The following CLEC16A variants were observed in gnomAD, a reference collection of about 807,000 sequenced individuals.
CLEC16A encodes protein CLEC16A.
A neutral mutation model predicts 109.5 loss-of-function variants in CLEC16A; 51 were observed. That is an observed-to-expected ratio of 0.47 (90% CI 0.37 to 0.59). CLEC16A has a LOEUF of 0.59. CLEC16A is among the 20% of genes least tolerant of loss of function. The pLI, the probability that CLEC16A is intolerant of heterozygous loss-of-function variation, is 0.00. For synonymous variants in CLEC16A, 673 were observed against 564.2 expected, an observed-to-expected ratio of 1.19 and a Z score of -2.73; for missense variants, 1,339 against 1,394.0, an observed-to-expected ratio of 0.96 and a Z score of 0.63.
At chr16:11,040,584 C>T (rs2047279448) in intron 14 of CLEC16A, 1 of 136,232 alleles carries the variant, frequency 7.3e-6, no homozygotes, top group African/African-American at 2.9e-5. Context: ...GTGATCTCTG[C>T]TCACGGCAAC....
At chr16:11,130,768 A>G (rs764093835) in intron 22 of CLEC16A, among the ~76,000 whole-genome samples, 6 of 152,182 alleles carry the variant, frequency 3.9e-5, no homozygotes, top group Non-Finnish European at 7.3e-5. Context: ...ATAATAATTC[A>G]CAAGGAAGAA....
chr16:11,026,760 A>G (rs1423057134), intron 13 of CLEC16A, among the ~76,000 whole-genome samples: 2 of 151,968 alleles, frequency 1.3e-5, no homozygotes, highest in African/African-American at 4.8e-5. Flanking sequence ...TCCACAGCCA[A>G]GCTGCTTGTG....
intron 22 of CLEC16A, among the ~76,000 whole-genome samples, chr16:11,155,268 A>G (rs2054464612): frequency 6.6e-6 from 1 of 152,220 alleles, no homozygotes; most frequent in African/African-American, 2.4e-5. Context: ...GAACCCTGTA[A>G]GGTGTGGTGG....
intron 19 of CLEC16A, among the ~76,000 whole-genome samples, chr16:11,117,151 C>T (rs1205580089): frequency 2.6e-5 from 4 of 152,154 alleles, no homozygotes; most frequent in Non-Finnish European, 5.9e-5. Context: ...ATAAAGATGG[C>T]AGCGATAGAC....
rs547085945 is a variant in CLEC16A at position 11,032,327 on chromosome 16, G to A, written c.1537+7406G>A. On this transcript the variant is annotated intron_variant, in intron 13 of 23. Transcript: ENST00000409790. ...GAACTGTGTTCCTATGAGCCGTGTG[G>A]GGCTGCTGGGGGGCAGTTGGTCAGT... is the stretch of plus-strand genomic sequence containing the variant. Among the ~76,000 whole-genome samples the A allele has an allele frequency of 4.4e-4, 67 of 152,290 alleles. No individual in the cohort carries two copies. The Middle Eastern group carries it at 0.01, about 23-fold the overall frequency.
At chr16:11,100,291 T>G (rs938951427) in intron 19 of CLEC16A, among the ~76,000 whole-genome samples, 1 of 152,190 alleles carries the variant, frequency 6.6e-6, no homozygotes, top group Non-Finnish European at 1.5e-5. Flanking sequence ...CAAAATCTCC[T>G]GTCTCTCTTT....
chr16:10,990,103 C>G (rs892513656), intron 10 of CLEC16A, among the ~76,000 whole-genome samples: 2 of 152,204 alleles, frequency 1.3e-5, no homozygotes, highest in African/African-American at 2.4e-5. Context: ...TTGTGAATAT[C>G]AAAGGGTAAA....
intron 19 of CLEC16A, among the ~76,000 whole-genome samples, chr16:11,098,692 C>A (rs556311880): frequency 6.6e-6 from 1 of 152,192 alleles, no homozygotes; most frequent in African/African-American, 2.4e-5. Context: ...GGCCTCCCTT[C>A]GAGGAACCCT....
chr16:11,115,265 G>A (rs910894080), intron 19 of CLEC16A, among the ~76,000 whole-genome samples: 2 of 150,314 alleles, frequency 1.3e-5, no homozygotes, highest in African/African-American at 4.9e-5. Context: ...GGAGAGGAGG[G>A]GGAAGGAGGA....
intron 18 of CLEC16A, among the ~76,000 whole-genome samples, chr16:11,055,575 CTTTTTTTTTTT>C (rs71136609): frequency 1.8e-3 from 77 of 41,752 alleles, no homozygotes; most frequent in African/African-American, 5.9e-3. Context: ...TTCCCTCTTG[CTTTTTTTTTTT>C]TTTTTTTTTT....
intron 22 of CLEC16A, among the ~76,000 whole-genome samples, chr16:11,137,587 TAAA>T (rs5815617): frequency 5.1e-5 from 3 of 59,312 alleles, no homozygotes; most frequent in African/African-American, 1.3e-4. Context: ...AGACTCCATC[TAAA>T]AAAAAAAAAA....
At chr16:11,138,105 T>A (rs1242938871) in intron 22 of CLEC16A, among the ~76,000 whole-genome samples, 2 of 152,110 alleles carry the variant, frequency 1.3e-5, no homozygotes, top group Non-Finnish European at 2.9e-5. Context: ...AAGGAACTTT[T>A]ACAATTCCAA....
At chr16:11,116,916 C>T (rs781710559) in intron 19 of CLEC16A, among the ~76,000 whole-genome samples, 1 of 152,138 alleles carries the variant, frequency 6.6e-6, no homozygotes, top group Non-Finnish European at 1.5e-5. Flanking sequence ...AAATAGTAGA[C>T]TCATGGAGTC....
intron 15 of CLEC16A, among the ~76,000 whole-genome samples, 179 bp from the exon 16 acceptor site, chr16:11,043,849 G>A (rs539379090): frequency 4.6e-5 from 7 of 151,954 alleles, no homozygotes; most frequent in Non-Finnish European, 1.0e-4. Flanking sequence ...ACTCCAGCCT[G>A]GGTGACAGAA....
chr16:11,100,828 T>A (rs1279345006), intron 19 of CLEC16A, among the ~76,000 whole-genome samples: 1 of 152,230 alleles, frequency 6.6e-6, no homozygotes, highest in Non-Finnish European at 1.5e-5. Flanking sequence ...GAAGAGTTTA[T>A]TTGCAGGGTT....
At chr16:10,973,887 CTTTTTTTTTTTTTTTTT>C (rs569414844) in intron 7 of CLEC16A, among the ~76,000 whole-genome samples, 4 of 46,586 alleles carry the variant, frequency 8.6e-5, no homozygotes, top group East Asian at 5.4e-4. Flanking sequence ...GGGCTGCTTG[CTTTTTTTTTTTTTTTTT>C]TTTTTTTTTT....
intron 22 of CLEC16A, among the ~76,000 whole-genome samples, chr16:11,160,247 G>A (rs2054674979): frequency 6.6e-6 from 1 of 152,162 alleles, no homozygotes; most frequent in African/African-American, 2.4e-5. Flanking sequence ...CTCATTTGGA[G>A]ATTCAGAAAA....
At chr16:11,175,096 C>T (rs1255996747) in intron 23 of CLEC16A, among the ~76,000 whole-genome samples, 1 of 152,248 alleles carries the variant, frequency 6.6e-6, no homozygotes, top group Non-Finnish European at 1.5e-5. Context: ...TTCCCCACAA[C>T]ACTCAGCCCC....
At chr16:10,981,657 A>G (rs931677315) in intron 9 of CLEC16A, among the ~76,000 whole-genome samples, 2 of 152,234 alleles carry the variant, frequency 1.3e-5, no homozygotes, top group African/African-American at 4.8e-5. Flanking sequence ...ACTTTTTAAA[A>G]AATAATTTTT....
Sources: gnomAD v4.1 joint callset for allele counts (sites outside exome capture counted in the v4.1 genomes callset) on GRCh38, gnomAD v4.1.1 for gene constraint, MANE v1.5 for transcripts, NCBI Gene and HGNC (gene_info 2026-07-23, HGNC 2026-07-21) for gene names.